Variants in PACS2 observed in about 807,000 individuals in gnomAD.
PACS2 encodes phosphofurin acidic cluster sorting protein 2, also known as PACS1-like protein.
A neutral mutation model predicts 113.0 loss-of-function variants in PACS2; 36 were observed. The ratio of observed to expected loss-of-function variants is 0.32; its 90% confidence interval spans 0.24 to 0.42. The LOEUF is 0.42. PACS2 is among the 10% of genes least tolerant of loss of function. The probability of loss-of-function intolerance (pLI) is 1.00; values close to 1 mark genes in which losing one functional copy is unlikely to be tolerated. For missense variants in PACS2, 1,015 were observed against 1,239.5 expected, an observed-to-expected ratio of 0.82 and a Z score of 2.72; for synonymous variants, 589 against 536.1, an observed-to-expected ratio of 1.10 and a Z score of -1.36.
At chr14:105,371,947 C>G (rs2061172009) in intron 8 of PACS2, 1 of 152,268 alleles carries the variant, frequency 6.6e-6, no homozygotes, top group Non-Finnish European at 1.5e-5. Flanking sequence ...TCCCTCAAGC[C>G]TCCCTCATCA....
chr14:105,386,681 C>G (rs1484959715), intron 19 of PACS2, among the ~76,000 whole-genome samples: 2 of 152,052 alleles, frequency 1.3e-5, no homozygotes, highest in Non-Finnish European at 2.9e-5. Context: ...GACCTCAGTG[C>G]AGGGTAGTTG....
intron 1 of PACS2, among the ~76,000 whole-genome samples, chr14:105,305,542 C>T (rs905598674): frequency 2.0e-5 from 3 of 152,170 alleles, no homozygotes; most frequent in Non-Finnish European, 2.9e-5. Flanking sequence ...CTGCCAGCAC[C>T]GTCCTGTGAA....
intron 9 of PACS2, among the ~76,000 whole-genome samples, chr14:105,377,695 A>G (rs2141214568): frequency 6.6e-6 from 1 of 152,236 alleles, no homozygotes; most frequent in East Asian, 1.9e-4. Context: ...CTCCCACCTC[A>G]CCTGCCCCGG....
rs587749018 is a variant in PACS2 at position 105,376,843 on chromosome 14, C to G, written c.877C>G (p.Leu293Val). The G allele has an allele frequency of 6.2e-6, 10 of 1,613,252 alleles. No homozygotes were observed. In the African/African-American group the frequency reaches 1.3e-4, roughly 21 times the overall value. The change falls in exon 9 of 25, where the codon CTG becomes GTG. Residue 293 changes from leucine (L) to valine (V), a missense_variant. Around this residue, in one of 3 missense-constraint regions of PACS2, gnomAD observed 859 missense variants for 1,056.8 expected, o/e 0.81. Transcript: ENST00000447393. The surrounding 1 kb of genome is among the most constrained non-coding windows in gnomAD (Gnocchi z 4.7). Reference sequence around the variant, plus strand: ...GGACCTGGACCTCCTGTATGACACCCTGGACATGGAGCACCCCAGCGACAG... The same window carrying G: ...GGACCTGGACCTCCTGTATGACACCGTGGACATGGAGCACCCCAGCGACAG... ...EEDLDLLYDT[L>V]DMEHPSDSGP...
intron 19 of PACS2, among the ~76,000 whole-genome samples, chr14:105,387,160 C>T (rs1271975966): frequency 1.3e-5 from 2 of 152,230 alleles, no homozygotes; most frequent in Non-Finnish European, 2.9e-5. Flanking sequence ...GTCTTACCTG[C>T]TCTCTGTACC....
Position 105,348,079 on chromosome 14 carries a change from G to A in PACS2, c.120-414G>A, listed in dbSNP as rs587748817. Among the ~76,000 whole-genome samples, 379 of 152,286 alleles carry A rather than the reference G, an allele frequency of 2.5e-3. 3 individuals are homozygous for A. Among genetic ancestry groups the A allele is most frequent in the African/African-American group, 8.8e-3 (366 of 41,562 alleles). On this transcript the variant is annotated intron_variant, in intron 1 of 24. Transcript: ENST00000447393. This position sits in a 1 kb window ranked among gnomAD's most constrained non-coding sequence, Gnocchi z 6.4. ...TCCTGGGGTGGGCAGGATTTGGGGC[G>A]GCTGGGCCTGGGGCTGGATAGGGCC... is the stretch of plus-strand genomic sequence containing the variant.
chr14:105,383,458 G>C lies in PACS2; in HGVS notation c.1725G>C (p.Leu575=). The change falls in exon 16 of 25, where the codon CTG becomes CTC. Residue 575 remains leucine (L), a synonymous_variant. Transcript: ENST00000447393. ...TCCTGCGGCTCTTTGTGGAGCAGCT[G>C]TCCCACAAGACACCCGACTGGCTCG... ...SAILRLFVEQ[L]SHKTPDWLGY... 2 of 1,609,316 alleles carry C rather than the reference G, an allele frequency of 1.2e-6. No homozygotes were observed. Among genetic ancestry groups the C allele is most frequent in the Non-Finnish European group, 1.7e-6 (2 of 1,179,500 alleles).
At chr14:105,375,433 G>A (rs1295525944) in intron 8 of PACS2, among the ~76,000 whole-genome samples, 2 of 147,270 alleles carry the variant, frequency 1.4e-5, no homozygotes, top group African/African-American at 2.6e-5. Context: ...AGCCGAGATC[G>A]TGCCACTGCA....
rs1214249312 is a variant in PACS2 at position 105,348,030 on chromosome 14, C to T, written c.120-463C>T. On this transcript the variant is annotated intron_variant, in intron 1 of 24. Transcript: ENST00000447393. The surrounding 1 kb of genome is among the most constrained non-coding windows in gnomAD (Gnocchi z 6.4). Reference sequence around the variant, plus strand: ...GAACAGAAGGAAGGTTGGGGGAAAGCGTATCCCAGCTATGGGCAGGGGGTC... The same window carrying T: ...GAACAGAAGGAAGGTTGGGGGAAAGTGTATCCCAGCTATGGGCAGGGGGTC... Among the ~76,000 whole-genome samples, 4 of 151,980 alleles carry T rather than the reference C, an allele frequency of 2.6e-5. No individual in the cohort carries two copies. The highest frequency in any genetic ancestry group is 1.9e-4 in the East Asian group (1 of 5,162).
At chr14:105,387,497 G>A (rs1256298986) in intron 19 of PACS2, among the ~76,000 whole-genome samples, 1 of 152,234 alleles carries the variant, frequency 6.6e-6, no homozygotes, top group Non-Finnish European at 1.5e-5. Context: ...CCCACGCCAC[G>A]GTGGTATGCT....
intron 3 of PACS2, 56 bp downstream of exon 3, chr14:105,352,523 G>GC (rs201587951): frequency 4.7e-5 from 51 of 1,088,958 alleles, no homozygotes; most frequent in Non-Finnish European, 5.4e-5. Flanking sequence ...GGGGAGACGG[G>GC]CCCCCCTCAT....
At chr14:105,321,026 A>G (rs1297205114) in intron 1 of PACS2, among the ~76,000 whole-genome samples, 2 of 152,162 alleles carry the variant, frequency 1.3e-5, no homozygotes, top group Non-Finnish European at 2.9e-5. Flanking sequence ...GGTGGCACGC[A>G]CCTGTAATTC....
chr14:105,388,347 C>T (rs1261650617), intron 19 of PACS2, among the ~76,000 whole-genome samples: 1 of 152,226 alleles, frequency 6.6e-6, no homozygotes, highest in African/African-American at 2.4e-5. Context: ...GGAGTGTGCT[C>T]TGGACCGGCT....
chr14:105,386,340 G>A (rs1360229092), intron 19 of PACS2, among the ~76,000 whole-genome samples: 2 of 152,178 alleles, frequency 1.3e-5, no homozygotes, highest in East Asian at 3.9e-4. Context: ...GGCTCCCAGG[G>A]CTCCCTCGAG....
rs587725894 is a variant in PACS2 at position 105,317,009 on chromosome 14, C to G, written c.119+1972C>G. ...GTCCTGGAACAGGGCCCCTCATAGG[C>G]GGGCTTGCCCCTAGCTTTGCTTTGT... On this transcript the variant is annotated intron_variant, in intron 1 of 24. Transcript: ENST00000447393. The surrounding 1 kb of genome is among the most constrained non-coding windows in gnomAD (Gnocchi z 4.2). Among the ~76,000 whole-genome samples the G allele has an allele frequency of 6.6e-6, 1 of 152,198 alleles. No individual in the cohort carries two copies. Among genetic ancestry groups the G allele is most frequent in the African/African-American group, 2.4e-5 (1 of 41,450 alleles).
chr14:105,334,323 A>G (rs10135362), intron 1 of PACS2, among the ~76,000 whole-genome samples: 17,608 of 152,224 alleles, frequency 0.12, 3,457 homozygotes, highest in African/African-American at 0.4. Flanking sequence ...TGGCCAGGAG[A>G]GCATTGGAAG....
intron 1 of PACS2, among the ~76,000 whole-genome samples, chr14:105,346,453 A>C (rs2059920431): frequency 6.7e-6 from 1 of 148,540 alleles, no homozygotes; most frequent in African/African-American, 2.5e-5. Context: ...GTGGCCCTGC[A>C]TGCACGGCTC....
chr14:105,383,163 G>A (rs1448194343), intron 15 of PACS2, 196 bp from the exon 16 acceptor site: 1 of 683,648 alleles, frequency 1.5e-6, no homozygotes, highest in Non-Finnish European at 2.6e-6. Flanking sequence ...CCTGGGCTGA[G>A]GCCATGACTG....
chr14:105,347,252 C>T (rs2059975019), intron 1 of PACS2, among the ~76,000 whole-genome samples: 1 of 151,532 alleles, frequency 6.6e-6, no homozygotes, highest in Non-Finnish European at 1.5e-5. Context: ...CTCAGGAAGC[C>T]CTGTGATGTC....
Sources: gnomAD v4.1 joint callset for allele counts (sites outside exome capture counted in the v4.1 genomes callset) on GRCh38, gnomAD v4.1.1 for gene constraint, gnomAD v4.1.1 regional missense constraint, Gnocchi (gnomAD v3.1) non-coding constraint, MANE v1.5 for transcripts, NCBI Gene and HGNC (gene_info 2026-07-23, HGNC 2026-07-21) for gene names.